The following ADARB2 variants were observed in gnomAD, a reference collection of about 807,000 sequenced individuals.
The protein encoded by ADARB2 is adenosine deaminase RNA specific B2 (inactive).
A neutral mutation model predicts 62.2 loss-of-function variants in ADARB2; 25 were observed. The observed-to-expected ratio is 0.40, with a 90% CI of 0.29 to 0.56. ADARB2 has a LOEUF of 0.56. ADARB2 is among the 20% of genes least tolerant of loss of function. The pLI, the probability that ADARB2 is intolerant of heterozygous loss-of-function variation, is 0.43. For missense variants in ADARB2, 1,071 were observed against 1,077.4 expected (o/e 0.99, Z 0.08); for synonymous variants, 572 against 500.8 (o/e 1.14, Z -1.90).
intron 2 of ADARB2, among the ~76,000 whole-genome samples, chr10:1,369,990 G>A (rs1381449682): frequency 6.6e-6 from 1 of 152,186 alleles, no homozygotes; most frequent in Non-Finnish European, 1.5e-5. Flanking sequence ...CCTACCACAT[G>A]GGCCTTGTTA....
intron 1 of ADARB2, among the ~76,000 whole-genome samples, chr10:1,580,900 G>A (rs1833089281): frequency 6.6e-6 from 1 of 152,198 alleles, no homozygotes; most frequent in African/African-American, 2.4e-5. Context: ...GTTCTTCCAT[G>A]GCTTGATCGC....
intron 7 of ADARB2, chr10:1,216,658 G>T: frequency 2.2e-6 from 1 of 457,808 alleles, no homozygotes. Context: ...GGCTGTGTTT[G>T]CCCCATGCAG....
chr10:1,525,880 C>T (rs1425187376), intron 1 of ADARB2, among the ~76,000 whole-genome samples: 1 of 150,904 alleles, frequency 6.6e-6, no homozygotes, highest in Admixed American at 6.6e-5. Context: ...CGTTTATGTG[C>T]GTGTATGTGC....
At chr10:1,669,711 C>A (rs1262817648) in intron 1 of ADARB2, among the ~76,000 whole-genome samples, 1 of 150,482 alleles carries the variant, frequency 6.6e-6, no homozygotes, top group Non-Finnish European at 1.5e-5. Context: ...CACAGGGAGA[C>A]ACACCTAGAC....
intron 1 of ADARB2, among the ~76,000 whole-genome samples, chr10:1,705,701 C>G (rs981517627): frequency 6.6e-6 from 1 of 152,184 alleles, no homozygotes; most frequent in African/African-American, 2.4e-5. Flanking sequence ...ACTGTCTCCA[C>G]CTAAAGCTGT....
chr10:1,448,864 C>T lies in ADARB2; in HGVS notation c.101-69704G>A, dbSNP rs377120193. Among the ~76,000 whole-genome samples, 8 of 152,160 alleles carry T rather than the reference C, an allele frequency of 5.3e-5. No individual in the cohort carries two copies. The East Asian group carries it at 1.5e-3, about 29-fold the overall frequency. Reference sequence around the variant, plus strand: ...CCCCCCAGAAGCCACCGCCTTCCCACCAACAGCCAGAGCCTCAGCCTGCCG... The same window carrying T: ...CCCCCCAGAAGCCACCGCCTTCCCATCAACAGCCAGAGCCTCAGCCTGCCG... On this transcript the variant is annotated intron_variant, in intron 1 of 9. Transcript: ENST00000381312.
Position 1,630,388 on chromosome 10 carries a change from T to A in ADARB2, c.100+106663A>T, listed in dbSNP as rs544346477. On this transcript the variant is annotated intron_variant, in intron 1 of 9. Coordinates refer to ENST00000381312, the MANE Select transcript of ADARB2 (RefSeq NM_018702.4). ...GTGGGGAGGGCTTCCTACCCAGCGGTGACACCCTTCCCTGGGTACCAGCCT... is the reference window on the plus strand; with the variant it reads ...GTGGGGAGGGCTTCCTACCCAGCGGAGACACCCTTCCCTGGGTACCAGCCT... 2.6e-5 allele frequency among the ~76,000 whole-genome samples: 4 copies of A among 152,198 alleles called. No individual in the cohort carries two copies. The East Asian group carries it at 7.8e-4, about 29-fold the overall frequency.
At chr10:1,562,049 C>T (rs376746147) in intron 1 of ADARB2, among the ~76,000 whole-genome samples, 8 of 152,200 alleles carry the variant, frequency 5.3e-5, no homozygotes, top group Admixed American at 2.0e-4. Context: ...CTGCCTCAGC[C>T]GGAACCCGTC....
chr10:1,275,376 T>C (rs974957486), intron 3 of ADARB2, among the ~76,000 whole-genome samples: 6 of 152,198 alleles, frequency 3.9e-5, no homozygotes, highest in African/African-American at 1.4e-4. Context: ...CAGGAGGCCA[T>C]GGCACCCAGG....
intron 8 of ADARB2, among the ~76,000 whole-genome samples, chr10:1,186,750 C>G (rs1007215130): frequency 3.3e-5 from 5 of 152,230 alleles, no homozygotes; most frequent in Non-Finnish European, 7.3e-5. Flanking sequence ...CTGCTCAGGT[C>G]CCTGGGAAGC....
chr10:1,226,374 G>T (rs1589157500), intron 6 of ADARB2, among the ~76,000 whole-genome samples: 1 of 152,168 alleles, frequency 6.6e-6, no homozygotes, highest in African/African-American at 2.4e-5. Context: ...GTAGCTCAGA[G>T]TAGTTTGATC....
intron 1 of ADARB2, among the ~76,000 whole-genome samples, chr10:1,444,279 C>CCATCCA (rs773831664): frequency 0.013 from 926 of 68,748 alleles, 6 homozygotes; most frequent in Non-Finnish European, 0.021. Context: ...TTCCATCTAT[C>CCATCCA]TACATCCATC....
At chr10:1,573,336 A>G (rs1832965872) in intron 1 of ADARB2, among the ~76,000 whole-genome samples, 1 of 152,116 alleles carries the variant, frequency 6.6e-6, no homozygotes, top group Non-Finnish European at 1.5e-5. Context: ...CCCCATGTGC[A>G]CCAGCTGTCA....
chr10:1,226,759 G>T (rs557521111), intron 6 of ADARB2, among the ~76,000 whole-genome samples: 1 of 152,198 alleles, frequency 6.6e-6, no homozygotes, highest in Non-Finnish European at 1.5e-5. Flanking sequence ...CTGCCTGATC[G>T]TTCCTCTGGA....
chr10:1,438,273 C>G (rs1830857095), intron 1 of ADARB2, among the ~76,000 whole-genome samples: 1 of 145,658 alleles, frequency 6.9e-6, no homozygotes. Flanking sequence ...GAGTCTCCCC[C>G]AAGACAGAGG....
intron 1 of ADARB2, among the ~76,000 whole-genome samples, chr10:1,391,766 AT>A (rs60956446): frequency 0.094 from 8,548 of 91,286 alleles, 103 homozygotes; most frequent in South Asian, 0.17. Flanking sequence ...TAAGAATTGG[AT>A]TTTTTTTTTT....
At chr10:1,209,340 C>T (rs1360744886) in intron 7 of ADARB2, among the ~76,000 whole-genome samples, 2 of 150,670 alleles carry the variant, frequency 1.3e-5, no homozygotes, top group Non-Finnish European at 1.5e-5. Context: ...ATCACCCACA[C>T]CCATGCCCAT....
intron 6 of ADARB2, among the ~76,000 whole-genome samples, chr10:1,226,346 T>A (rs1252168686): frequency 1.3e-5 from 2 of 152,240 alleles, no homozygotes; most frequent in African/African-American, 2.4e-5. Flanking sequence ...TCTTTGCCAT[T>A]GGTTCGAATT....
At position 1,703,312 on chromosome 10, in the gene ADARB2, G is replaced by C. The variant is rs138516388; in HGVS notation, c.100+33739C>G. 1.5e-3 allele frequency among the ~76,000 whole-genome samples: 228 copies of C among 152,280 alleles called. 6 individuals are homozygous for C. Among genetic ancestry groups the C allele is most frequent in the Middle Eastern group, 3.4e-3 (1 of 294 alleles). On this transcript the variant is annotated intron_variant, in intron 1 of 9. Transcript: ENST00000381312. ...CTGATGAGGAGGGTGACATTTTAGCGTACTTCTAAGGGAATAGAGGATGGG... is the reference window on the plus strand; with the variant it reads ...CTGATGAGGAGGGTGACATTTTAGCCTACTTCTAAGGGAATAGAGGATGGG...
Sources: allele counts gnomAD v4.1 joint callset (sites outside exome capture counted in the v4.1 genomes callset), GRCh38; gene constraint gnomAD v4.1.1; transcripts MANE v1.5; gene names NCBI Gene and HGNC (gene_info 2026-07-23, HGNC 2026-07-21).